The following PAFAH1B1 variants were observed in gnomAD, a reference collection of about 807,000 sequenced individuals.
PAFAH1B1 encodes platelet-activating factor acetylhydrolase IB subunit beta.
Under a neutral mutation model 57.5 loss-of-function variants are expected in PAFAH1B1, and 2 were observed. The ratio of observed to expected loss-of-function variants is 0.03; its 90% CI spans 0.01 to 0.11. The LOEUF (loss-of-function observed/expected upper bound fraction) is 0.11. Ranked by LOEUF, PAFAH1B1 falls within the 10% of genes least tolerant of loss-of-function variation. PAFAH1B1 has a pLI of 1.00. For synonymous variants in PAFAH1B1, 152 were observed against 169.6 expected (o/e 0.90, Z 0.81); for missense variants, 257 against 512.0 (o/e 0.50, Z 4.81).
At chr17:2,653,673 C>G (rs56153770) in intron 2 of PAFAH1B1, among the ~76,000 whole-genome samples, 4 of 151,766 alleles carry the variant, frequency 2.6e-5, no homozygotes, top group Non-Finnish European at 5.9e-5. Context: ...ACAAAGTACA[C>G]GAATGAATTT....
intron 1 of PAFAH1B1, among the ~76,000 whole-genome samples, chr17:2,594,929 G>A (rs1011634636): frequency 6.6e-6 from 1 of 152,210 alleles, no homozygotes; most frequent in African/African-American, 2.4e-5. Flanking sequence ...TAGAGGGGAA[G>A]AGGTTTTCCG....
chr17:2,610,647 AT>A (rs1452384347), intron 1 of PAFAH1B1, among the ~76,000 whole-genome samples: 2 of 152,202 alleles, frequency 1.3e-5, no homozygotes, highest in Admixed American at 1.3e-4. Context: ...CACAAAAAAA[AT>A]GTCAGTGTTT....
At chr17:2,664,281 T>C (rs142494057) in intron 2 of PAFAH1B1, among the ~76,000 whole-genome samples, 13 of 152,326 alleles carry the variant, frequency 8.5e-5, no homozygotes, top group Admixed American at 3.3e-4. Flanking sequence ...TCGCTGTTGT[T>C]GCCTAGGCTG....
intron 5 of PAFAH1B1, 105 bp from the exon 6 acceptor site, chr17:2,670,058 C>T (rs181384339): frequency 1.0e-5 from 9 of 874,398 alleles, no homozygotes; most frequent in African/African-American, 3.3e-5. Context: ...GTTACTTGTT[C>T]GGTTAGTTAC....
In PAFAH1B1 at chr17:2,684,197, A is replaced by G. The variant is rs1250783229; in HGVS notation, c.*2395A>G. 1 of 152,636 alleles carries G rather than the reference A, an allele frequency of 6.6e-6. No individual in the cohort carries two copies. Among genetic ancestry groups the G allele is most frequent in the African/African-American group, 2.4e-5 (1 of 41,460 alleles). 9.5% of individuals were successfully genotyped at this position (152,636 alleles called of 1,614,324 possible). ...TGGCCCACAACTGGGTCCACATGTA[A>G]TGAGCCCTGTTTAATAACGAAGGGG... On this transcript the variant is annotated 3_prime_UTR_variant, in exon 11 of 11. Coordinates refer to ENST00000397195, the MANE Select transcript of PAFAH1B1 (RefSeq NM_000430.4).
intron 2 of PAFAH1B1, among the ~76,000 whole-genome samples, chr17:2,663,553 G>A (rs990319588): frequency 5.0e-5 from 5 of 100,604 alleles, no homozygotes; most frequent in Admixed American, 3.6e-4. Context: ...GCCACCTGCT[G>A]AGGTTCTTCA....
intron 1 of PAFAH1B1, among the ~76,000 whole-genome samples, chr17:2,614,964 AT>A (rs1261687840): frequency 6.6e-6 from 1 of 152,130 alleles, no homozygotes; most frequent in Non-Finnish European, 1.5e-5. Context: ...TTGTCCTCAC[AT>A]TCCTTCCCAC....
At chr17:2,610,549 G>T (rs374744031) in intron 1 of PAFAH1B1, among the ~76,000 whole-genome samples, 4 of 152,190 alleles carry the variant, frequency 2.6e-5, no homozygotes, top group Admixed American at 2.0e-4. Flanking sequence ...CCAATATTTT[G>T]ACTTCCCTGG....
intron 2 of PAFAH1B1, among the ~76,000 whole-genome samples, chr17:2,643,621 G>A (rs2068725905): frequency 6.6e-6 from 1 of 151,662 alleles, no homozygotes; most frequent in Non-Finnish European, 1.5e-5. Flanking sequence ...GTGCAGTGGG[G>A]TGATCTCAGC....
At chr17:2,628,431 A>C (rs1555522998) in intron 1 of PAFAH1B1, among the ~76,000 whole-genome samples, 1 of 152,162 alleles carries the variant, frequency 6.6e-6, no homozygotes, top group Non-Finnish European at 1.5e-5. Context: ...CTACTTGATC[A>C]TGGTGGATCA....
At chr17:2,670,053 T>G in intron 5 of PAFAH1B1, 110 bp from the exon 6 acceptor site, 1 of 863,758 alleles carries the variant, frequency 1.2e-6, no homozygotes, top group Non-Finnish European at 2.0e-6. Context: ...CCTTTGTTAC[T>G]TGTTCGGTTA....
At position 2,675,339 on chromosome 17, in the gene PAFAH1B1, T is replaced by A. The variant is rs534929616; in HGVS notation, c.900+1051T>A. Among the ~76,000 whole-genome samples, 236 of 152,292 alleles carry A rather than the reference T, an allele frequency of 1.5e-3. 2 individuals carry two copies. Among genetic ancestry groups the A allele is most frequent in the Non-Finnish European group, 2.2e-3 (149 of 68,026 alleles). Reference sequence around the variant, plus strand: ...TTGACAGAGGCATTCCTATCATGTATTTTTAAAACTACATGTCAATAAACA... The same window carrying A: ...TTGACAGAGGCATTCCTATCATGTAATTTTAAAACTACATGTCAATAAACA... On this transcript the variant is annotated intron_variant, in intron 8 of 10. Coordinates refer to ENST00000397195, the MANE Select transcript of PAFAH1B1 (RefSeq NM_000430.4).
intron 1 of PAFAH1B1, among the ~76,000 whole-genome samples, chr17:2,621,605 GTCTTTTTTTTTTTTTTTTTTT>G (rs1411979661): frequency 1.1e-5 from 1 of 93,208 alleles, no homozygotes; most frequent in African/African-American, 4.7e-5. Flanking sequence ...TAGATAATCT[GTCTTTTTTTTTTTTTTTTTTT>G]TTTTTTTTTT....
At chr17:2,638,572 A>C (rs1239650159) in intron 2 of PAFAH1B1, 1 of 417,874 alleles carries the variant, frequency 2.4e-6, no homozygotes, top group African/African-American at 2.0e-5. Context: ...CAATGGCGCC[A>C]TCTCGGCTCA....
chr17:2,672,706 T>C lies in PAFAH1B1; in HGVS notation c.620T>C (p.Ile207Thr), dbSNP rs142842676. The C allele has an allele frequency of 2.5e-6, 4 of 1,613,754 alleles. No homozygotes were observed. Among genetic ancestry groups the C allele is most frequent in the South Asian group, 1.1e-5 (1 of 91,064 alleles). ...SVAIMPNGDH[I>T]VSASRDKTIK... ...GCCATCATGCCCAATGGAGATCATA[T>C]AGTGTCTGCCTCAAGGGATAAAACT... The change falls in exon 7 of 11, where the codon ATA becomes ACA. Residue 207 changes from isoleucine to threonine, a missense_variant. Coordinates refer to ENST00000397195, the MANE Select transcript of PAFAH1B1 (RefSeq NM_000430.4).
intron 2 of PAFAH1B1, among the ~76,000 whole-genome samples, chr17:2,662,719 A>G (rs2069035049): frequency 1.3e-5 from 2 of 151,950 alleles, no homozygotes; most frequent in South Asian, 4.2e-4. Flanking sequence ...CTGATTCTTT[A>G]TAGTATTACT....
intron 9 of PAFAH1B1, among the ~76,000 whole-genome samples, chr17:2,678,735 A>G (rs1360195644): frequency 6.6e-6 from 1 of 152,150 alleles, no homozygotes; most frequent in African/African-American, 2.4e-5. Flanking sequence ...AAGTTTAAAA[A>G]TTAGTCATGC....
At chr17:2,617,490 C>T (rs1299153255) in intron 1 of PAFAH1B1, among the ~76,000 whole-genome samples, 1 of 152,136 alleles carries the variant, frequency 6.6e-6, no homozygotes, top group African/African-American at 2.4e-5. Context: ...ACAGTCCATC[C>T]CTCAGTGATT....
At chr17:2,674,882 A>G (rs2069239107) in intron 8 of PAFAH1B1, among the ~76,000 whole-genome samples, 1 of 152,222 alleles carries the variant, frequency 6.6e-6, no homozygotes, top group Non-Finnish European at 1.5e-5. Context: ...GCACATGGCT[A>G]TAGTCCTAGC....
Sources: gnomAD v4.1 joint callset for allele counts (sites outside exome capture counted in the v4.1 genomes callset) on GRCh38, gnomAD v4.1.1 for gene constraint, MANE v1.5 for transcripts, NCBI Gene and HGNC (gene_info 2026-07-23, HGNC 2026-07-21) for gene names.